Variants in NRXN3 observed in about 807,000 individuals in gnomAD.
NRXN3 encodes the protein neurexin III.
Under a neutral mutation model 137.6 loss-of-function variants are expected in NRXN3, and 32 were observed. The observed-to-expected ratio is 0.23, with a 90% CI of 0.18 to 0.31. The LOEUF is 0.31. Ranked by LOEUF, NRXN3 falls within the 10% of genes least tolerant of loss-of-function variation. NRXN3 has a pLI of 1.00. For missense variants in NRXN3, 1,574 were observed against 2,062.5 expected, an observed-to-expected ratio of 0.76 and a Z score of 4.59; for synonymous variants, 798 against 784.5, an observed-to-expected ratio of 1.02 and a Z score of -0.29.
chr14:79,298,735 CAG>C (rs752226514), intron 15 of NRXN3: 1 of 152,064 alleles, frequency 6.6e-6, no homozygotes, highest in Admixed American at 6.6e-5. Context: ...TATTCTAGAA[CAG>C]GGGAGAATTC....
At chr14:79,173,348 G>C (rs1210140352) in intron 15 of NRXN3, among the ~76,000 whole-genome samples, 3 of 151,834 alleles carry the variant, frequency 2.0e-5, no homozygotes, top group African/African-American at 4.8e-5. Context: ...TGGGCGACAT[G>C]ATGAGACCCT....
chr14:78,461,551 T>C (rs2094921639), intron 4 of NRXN3, among the ~76,000 whole-genome samples: 1 of 152,238 alleles, frequency 6.6e-6, no homozygotes, highest in East Asian at 1.9e-4. Context: ...TTCAGGTAAT[T>C]CTGGTAATGG....
chr14:79,079,972 A>G (rs1380699245), intron 15 of NRXN3, among the ~76,000 whole-genome samples: 2 of 152,186 alleles, frequency 1.3e-5, no homozygotes, highest in Non-Finnish European at 2.9e-5. Context: ...TGGGAGACAG[A>G]GTGAGACTCC....
chr14:79,365,619 T>C lies in NRXN3; in HGVS notation c.3263-101602T>C, dbSNP rs976824617. Among the ~76,000 whole-genome samples the C allele has an allele frequency of 4.1e-5, 6 of 148,066 alleles. No individual in the cohort carries two copies. The South Asian group carries it at 1.3e-3, about 32-fold the overall frequency. On this transcript the variant is annotated intron_variant, in intron 15 of 20. Transcript: ENST00000335750. The stretch of plus-strand genomic sequence containing the variant: ...CTGTAGTCCCAGCTACTCGGGAGGC[T>C]GAGGCAGGAGAATGGCATGAACCCG...
At chr14:78,223,090 T>C (rs2064048645) in intron 1 of NRXN3, among the ~76,000 whole-genome samples, 1 of 152,206 alleles carries the variant, frequency 6.6e-6, no homozygotes, top group East Asian at 1.9e-4. Context: ...GACACAGTGC[T>C]TGCCAGAGGG....
chr14:78,841,361 A>G (rs189283424), intron 10 of NRXN3, among the ~76,000 whole-genome samples: 2 of 152,068 alleles, frequency 1.3e-5, no homozygotes, highest in East Asian at 3.9e-4. Flanking sequence ...GTGTTAGTGA[A>G]TAATTCTTTC....
intron 8 of NRXN3, among the ~76,000 whole-genome samples, chr14:78,725,746 G>T (rs1205748047): frequency 6.6e-6 from 1 of 152,218 alleles, no homozygotes; most frequent in East Asian, 1.9e-4. Flanking sequence ...AAGGACCTCT[G>T]AGGTTTTTGA....
At chr14:78,385,225 A>G (rs985769876) in intron 4 of NRXN3, among the ~76,000 whole-genome samples, 2 of 152,016 alleles carry the variant, frequency 1.3e-5, no homozygotes, top group African/African-American at 4.8e-5. Context: ...ATACTTTTGG[A>G]TAATAGGGCT....
chr14:79,574,162 CAAT>C (rs1277077976), intron 16 of NRXN3, among the ~76,000 whole-genome samples: 3 of 151,910 alleles, frequency 2.0e-5, no homozygotes, highest in Non-Finnish European at 2.9e-5. Context: ...ATTCTATCAA[CAAT>C]GTTATATTTG....
intron 4 of NRXN3, among the ~76,000 whole-genome samples, chr14:78,556,022 T>C (rs2096733638): frequency 6.6e-6 from 1 of 152,368 alleles, no homozygotes; most frequent in South Asian, 2.1e-4. Flanking sequence ...GTCTCCTTTT[T>C]CAAAGGCAAG....
intron 10 of NRXN3, among the ~76,000 whole-genome samples, chr14:78,864,367 A>G (rs1223179248): frequency 6.6e-6 from 1 of 152,204 alleles, no homozygotes; most frequent in Non-Finnish European, 1.5e-5. Flanking sequence ...CAAATTGAGA[A>G]TAATAAAACA....
intron 4 of NRXN3, among the ~76,000 whole-genome samples, chr14:78,644,346 A>T (rs541101443): frequency 6.6e-6 from 1 of 151,968 alleles, no homozygotes; most frequent in Non-Finnish European, 1.5e-5. Flanking sequence ...TTCTGTGGGG[A>T]AGGATAGTTC....
intron 4 of NRXN3, among the ~76,000 whole-genome samples, chr14:78,443,041 C>T (rs141395715): frequency 5.3e-5 from 8 of 152,284 alleles, no homozygotes; most frequent in Non-Finnish European, 8.8e-5. Flanking sequence ...GTTGGGCCAA[C>T]GCTAAACCAT....
chr14:78,558,923 G>T (rs902245278), intron 4 of NRXN3, among the ~76,000 whole-genome samples: 1 of 152,184 alleles, frequency 6.6e-6, no homozygotes, highest in Non-Finnish European at 1.5e-5. Flanking sequence ...TTCAAAACCA[G>T]GTCTTTCTGA....
At chr14:78,206,687 G>A (rs1000497779) in intron 1 of NRXN3, among the ~76,000 whole-genome samples, 7 of 152,250 alleles carry the variant, frequency 4.6e-5, no homozygotes, top group Middle Eastern at 3.4e-3. Flanking sequence ...TTCTCAGGGT[G>A]GTTACACAGA....
intron 19 of NRXN3, among the ~76,000 whole-genome samples, chr14:79,775,483 A>T (rs2099093867): frequency 6.6e-6 from 1 of 151,682 alleles, no homozygotes; most frequent in African/African-American, 2.4e-5. Flanking sequence ...ATTCATAGGG[A>T]AAGATATTCA....
In NRXN3 at chr14:78,696,680, A is replaced by G. The variant is rs991762866; in HGVS notation, c.1222-12537A>G. On this transcript the variant is annotated intron_variant, in intron 6 of 20. Transcript: ENST00000335750. ...GGCCATCTATTCCAGGTCACCTTGG[A>G]AAGTTCTGGGTAATATCTCCTGTCC... 1.3e-5 allele frequency among the ~76,000 whole-genome samples: 2 copies of G among 152,048 alleles called. 1 individual carries two copies. Among genetic ancestry groups the G allele is most frequent in the Non-Finnish European group, 2.9e-5 (2 of 68,008 alleles).
At chr14:79,378,803 A>G (rs2094382002) in intron 15 of NRXN3, among the ~76,000 whole-genome samples, 1 of 151,766 alleles carries the variant, frequency 6.6e-6, no homozygotes, top group African/African-American at 2.4e-5. Context: ...TCTCTTGATT[A>G]TGGAGCTTAA....
At chr14:79,227,413 A>G (rs1343671249) in intron 15 of NRXN3, among the ~76,000 whole-genome samples, 1 of 152,060 alleles carries the variant, frequency 6.6e-6, no homozygotes, top group African/African-American at 2.4e-5. Context: ...TCATGTGTAC[A>G]CTTTTTTTAC....
Sources: gnomAD v4.1 joint callset for allele counts (sites outside exome capture counted in the v4.1 genomes callset) on GRCh38, gnomAD v4.1.1 for gene constraint, MANE v1.5 for transcripts, NCBI Gene and HGNC (gene_info 2026-07-23, HGNC 2026-07-21) for gene names.